The following CDK6 variants were observed in gnomAD, a reference collection of about 807,000 sequenced individuals.
The protein encoded by CDK6 is cyclin-dependent kinase 6.
CDK6 carries 6 observed loss-of-function variants against 37.1 expected under a neutral mutation model. That is an observed-to-expected ratio of 0.16 (90% CI 0.09 to 0.32). The LOEUF is 0.32. Ranked by LOEUF, CDK6 falls within the 10% of genes least tolerant of loss-of-function variation. The probability of loss-of-function intolerance (pLI) is 1.00; values close to 1 mark genes in which losing one functional copy is unlikely to be tolerated. For missense variants in CDK6, 224 were observed against 418.9 expected, an observed-to-expected ratio of 0.53 and a Z score of 4.06; for synonymous variants, 160 against 161.3, an observed-to-expected ratio of 0.99 and a Z score of 0.06.
At chr7:92,703,280 T>C (rs919369383) in intron 4 of CDK6, among the ~76,000 whole-genome samples, 2 of 151,898 alleles carry the variant, frequency 1.3e-5, no homozygotes, top group South Asian at 2.1e-4. Context: ...GCCTCTCCCA[T>C]AACCTTGGTA....
Position 92,605,518 on chromosome 7 carries a change from A to ATTTTT in CDK6, c.*9621_*9622insAAAAA, listed in dbSNP as rs1795405834. On this transcript the variant is annotated 3_prime_UTR_variant, in exon 8 of 8. Coordinates refer to ENST00000424848, the MANE Select transcript of CDK6 (RefSeq NM_001145306.2). ...TTGAATGACATATTTTACGTTACAT[A>ATTTTT]TTTACCCTACTTTTCTATTCTCCTC... 2 of 232,946 alleles carry ATTTTT rather than the reference A, an allele frequency of 8.6e-6. No individual in the cohort carries two copies. The highest frequency in any genetic ancestry group is 1.1e-4 in the Admixed American group (2 of 17,774). 14.4% of individuals were successfully genotyped at this position (232,946 alleles called of 1,614,324 possible).
At chr7:92,696,206 G>A (rs1295373079) in intron 4 of CDK6, among the ~76,000 whole-genome samples, 3 of 152,308 alleles carry the variant, frequency 2.0e-5, no homozygotes, top group South Asian at 2.1e-4. Flanking sequence ...GCCAATGAGA[G>A]GCGAGGCTAC....
chr7:92,781,965 C>T (rs1156999261), intron 2 of CDK6, among the ~76,000 whole-genome samples: 1 of 152,154 alleles, frequency 6.6e-6, no homozygotes, highest in Non-Finnish European at 1.5e-5. Flanking sequence ...TAAATATGGA[C>T]TCTGTGTGCA....
At chr7:92,682,933 A>C (rs1440656111) in intron 4 of CDK6, among the ~76,000 whole-genome samples, 1 of 152,154 alleles carries the variant, frequency 6.6e-6, no homozygotes, top group Non-Finnish European at 1.5e-5. Context: ...TTCCTCTTGA[A>C]CTCGTGAAAC....
chr7:92,766,513 C>T (rs1584066493), intron 3 of CDK6, among the ~76,000 whole-genome samples: 1 of 152,242 alleles, frequency 6.6e-6, no homozygotes, highest in East Asian at 1.9e-4. Context: ...AGACGTCAGG[C>T]TGGAGAATAG....
At chr7:92,654,157 T>C (rs1394555830) in intron 5 of CDK6, among the ~76,000 whole-genome samples, 2 of 151,980 alleles carry the variant, frequency 1.3e-5, no homozygotes, top group Admixed American at 1.3e-4. Flanking sequence ...CCATCTCAGA[T>C]TGCTGTTTTC....
At chr7:92,632,599 A>G (rs943279463) in intron 5 of CDK6, among the ~76,000 whole-genome samples, 6 of 152,172 alleles carry the variant, frequency 3.9e-5, no homozygotes, top group African/African-American at 1.4e-4. Flanking sequence ...TTATCAGAAT[A>G]AAATTTTACT....
rs553816373 is a variant in CDK6, at chr7:92,698,886, AT to A, written c.537+26739del. The stretch of plus-strand genomic sequence containing the variant: ...CTCTTAATATTCATGTAATTAATTT[AT>A]TTTTTTCTCATTCAGTTATAAGCCT... On this transcript the variant is annotated intron_variant, in intron 4 of 7. Transcript: ENST00000424848. 1.3e-3 allele frequency among the ~76,000 whole-genome samples: 192 copies of A among 152,150 alleles called. 1 individual carries two copies. The highest frequency in any genetic ancestry group is 4.5e-3 in the African/African-American group (186 of 41,498).
At chr7:92,801,680 G>A (rs1011410369) in intron 2 of CDK6, among the ~76,000 whole-genome samples, 2 of 151,050 alleles carry the variant, frequency 1.3e-5, no homozygotes, top group African/African-American at 4.9e-5. Context: ...GGAGTGCAGT[G>A]GTGTGATATC....
intron 5 of CDK6, among the ~76,000 whole-genome samples, chr7:92,654,204 T>TTC (rs1796638441): frequency 6.6e-6 from 1 of 151,880 alleles, no homozygotes; most frequent in African/African-American, 2.4e-5. Flanking sequence ...GCTTTTTTTT[T>TTC]TTCTGTTTTA....
chr7:92,803,597 G>A (rs1047991210), intron 2 of CDK6, among the ~76,000 whole-genome samples: 3 of 152,120 alleles, frequency 2.0e-5, no homozygotes, highest in Admixed American at 6.6e-5. Context: ...CATGTAAGAC[G>A]GATACAGATC....
chr7:92,645,298 A>G (rs1796419364), intron 5 of CDK6, among the ~76,000 whole-genome samples: 1 of 152,234 alleles, frequency 6.6e-6, no homozygotes. Context: ...TGCTTTTTAA[A>G]GGCCATCAAA....
At chr7:92,801,612 TCTTTCCCTCCTTCCTTC>T (rs1800577295) in intron 2 of CDK6, among the ~76,000 whole-genome samples, 1 of 152,048 alleles carries the variant, frequency 6.6e-6, no homozygotes, top group Non-Finnish European at 1.5e-5. Flanking sequence ...AAGAATATTC[TCTTTCCCTCCTTCCTTC>T]CTTCTTCCCT....
intron 3 of CDK6, among the ~76,000 whole-genome samples, chr7:92,772,196 T>C (rs1799733588): frequency 1.3e-5 from 2 of 152,146 alleles, no homozygotes; most frequent in African/African-American, 4.8e-5. Context: ...GTTAGTATAG[T>C]TCAGAATTTT....
At chr7:92,778,350 T>C (rs574071723) in intron 2 of CDK6, among the ~76,000 whole-genome samples, 2 of 152,316 alleles carry the variant, frequency 1.3e-5, no homozygotes, top group African/African-American at 4.8e-5. Flanking sequence ...TTAATATCCA[T>C]TCCTAAACTT....
At chr7:92,695,609 T>C (rs1797698985) in intron 4 of CDK6, among the ~76,000 whole-genome samples, 1 of 152,214 alleles carries the variant, frequency 6.6e-6, no homozygotes, top group South Asian at 2.1e-4. Context: ...CCCCTTTCAT[T>C]GAACAGAGAC....
chr7:92,674,079 CCTTT>C, intron 4 of CDK6, among the ~76,000 whole-genome samples: 1 of 151,342 alleles, frequency 6.6e-6, no homozygotes, highest in African/African-American at 2.4e-5. Flanking sequence ...TGCGCCTCCC[CCTTT>C]CTTCTTTTTT....
At chr7:92,755,270 T>G (rs1388516532) in intron 3 of CDK6, among the ~76,000 whole-genome samples, 1 of 152,108 alleles carries the variant, frequency 6.6e-6, no homozygotes, top group Non-Finnish European at 1.5e-5. Flanking sequence ...TAGGGCTAAT[T>G]GTATCCACTT....
intron 5 of CDK6, among the ~76,000 whole-genome samples, chr7:92,642,478 T>C (rs1796333308): frequency 6.6e-6 from 1 of 152,160 alleles, no homozygotes; most frequent in Non-Finnish European, 1.5e-5. Flanking sequence ...TCCAGGTCCT[T>C]GGACTTTTTT....
Sources: allele counts gnomAD v4.1 joint callset (sites outside exome capture counted in the v4.1 genomes callset), GRCh38; gene constraint gnomAD v4.1.1; transcripts MANE v1.5; gene names NCBI Gene and HGNC (gene_info 2026-07-23, HGNC 2026-07-21).